BBOX1: variants seen among roughly 807,000 people sequenced by gnomAD.
BBOX1 encodes the protein gamma-butyrobetaine dioxygenase.
In BBOX1, 35 loss-of-function variants were observed where a neutral mutation model predicts 41.6. The observed-to-expected ratio is 0.84, with a 90% CI of 0.64 to 1.11. The LOEUF (loss-of-function observed/expected upper bound fraction) is 1.11, where lower values mean the gene tolerates loss of function less well. Ranked by LOEUF, BBOX1 falls within the 50% of genes most tolerant of loss-of-function variation. The probability of loss-of-function intolerance (pLI) is 0.00; values close to 1 mark genes in which losing one functional copy is unlikely to be tolerated. For synonymous variants in BBOX1, 163 were observed against 154.7 expected (o/e 1.05, Z -0.40); for missense variants, 458 against 460.6 (o/e 0.99, Z 0.05).
intron 5 of BBOX1, among the ~76,000 whole-genome samples, chr11:27,094,793 C>T (rs767264345): frequency 6.6e-6 from 1 of 151,838 alleles, no homozygotes; most frequent in African/African-American, 2.4e-5. Context: ...ACTCTGACTC[C>T]GAAACTTACA....
chr11:27,056,560 C>T (rs1249029057), intron 3 of BBOX1, among the ~76,000 whole-genome samples: 1 of 151,994 alleles, frequency 6.6e-6, no homozygotes, highest in African/African-American at 2.4e-5. Context: ...CCAGCTGCAC[C>T]ATTACTATTT....
intron 2 of BBOX1, among the ~76,000 whole-genome samples, chr11:27,053,950 A>AT (rs1856892216): frequency 1.3e-5 from 2 of 152,122 alleles, no homozygotes; most frequent in Admixed American, 1.3e-4. Flanking sequence ...ACAAAGCAAT[A>AT]TTTTTCCTAT....
At chr11:27,042,658 G>T (rs780305930) in intron 2 of BBOX1, among the ~76,000 whole-genome samples, 3 of 151,930 alleles carry the variant, frequency 2.0e-5, no homozygotes, top group Non-Finnish European at 2.9e-5. Flanking sequence ...TTGCTTTATA[G>T]AATTCATTAT....
intron 2 of BBOX1, among the ~76,000 whole-genome samples, chr11:27,045,089 CCT>C (rs1170818442): frequency 6.6e-6 from 1 of 152,102 alleles, no homozygotes; most frequent in Non-Finnish European, 1.5e-5. Flanking sequence ...TTGTTTGTGT[CCT>C]CTCTTATTTC....
Position 27,127,426 on chromosome 11 carries a change from A to G in BBOX1, c.1137A>G (p.Leu379=). ...WDVVMSRLRI[L]RQRVENGN is the part of the protein sequence containing the mutation. Reference sequence around the variant, plus strand: ...TGGTCATGTCAAGGCTTCGTATCTTAAGGCAGAGGGTGGAGAATGGAAACT... The same window carrying G: ...TGGTCATGTCAAGGCTTCGTATCTTGAGGCAGAGGGTGGAGAATGGAAACT... Residue 379 remains leucine (L), a synonymous_variant, in exon 9 of 9, where the codon TTA becomes TTG. Coordinates refer to ENST00000263182, the MANE Select transcript of BBOX1 (RefSeq NM_003986.3). 1 of 1,611,564 alleles carries G rather than the reference A, an allele frequency of 6.2e-7. No homozygotes were observed. The highest frequency in any genetic ancestry group is 8.5e-7 in the Non-Finnish European group (1 of 1,179,464).
chr11:27,111,429 C>A (rs2134086078), intron 5 of BBOX1, among the ~76,000 whole-genome samples: 1 of 152,020 alleles, frequency 6.6e-6, no homozygotes, highest in South Asian at 2.1e-4. Flanking sequence ...TCAATCTTAC[C>A]CCAAACCTCA....
At chr11:27,105,115 G>A (rs1470918370) in intron 5 of BBOX1, among the ~76,000 whole-genome samples, 1 of 152,058 alleles carries the variant, frequency 6.6e-6, no homozygotes, top group Non-Finnish European at 1.5e-5. Flanking sequence ...AAAGACCAAA[G>A]GTAGATCAAA....
At chr11:27,066,186 A>T (rs1243949412) in intron 4 of BBOX1, among the ~76,000 whole-genome samples, 1 of 152,122 alleles carries the variant, frequency 6.6e-6, no homozygotes, top group African/African-American at 2.4e-5. Flanking sequence ...TCTACAAGCT[A>T]GGCTTTTTTG....
chr11:27,119,752 C>T lies in BBOX1; in HGVS notation c.743C>T (p.Ala248Val), dbSNP rs1437341171. 6 of 1,603,862 alleles carry T rather than the reference C, an allele frequency of 3.7e-6. No homozygotes were observed. The East Asian group carries it at 6.8e-5, about 18-fold the overall frequency. The change falls in exon 7 of 9, where the codon GCA becomes GTA. Residue 248 changes from alanine (A) to valine (V), a missense_variant. Coordinates refer to ENST00000263182, the MANE Select transcript of BBOX1 (RefSeq NM_003986.3). ...AAACTAAAGAAAAATAATCCTCAGG[C>T]ATTCCAGATTTTGTCCTCTACCTTT... ...CQKLKKNNPQ[A>V]FQILSSTFVD...
intron 5 of BBOX1, among the ~76,000 whole-genome samples, chr11:27,095,121 G>A (rs1187640132): frequency 6.6e-6 from 1 of 151,946 alleles, no homozygotes; most frequent in Admixed American, 6.6e-5. Context: ...CTACCTTGCT[G>A]TCAATAATAT....
At chr11:27,046,814 C>A (rs918844497) in intron 2 of BBOX1, among the ~76,000 whole-genome samples, 2 of 152,000 alleles carry the variant, frequency 1.3e-5, no homozygotes, top group African/African-American at 4.8e-5. Flanking sequence ...TCAATTCTAA[C>A]AAGTCAAGTT....
rs564975573 is a variant in BBOX1 at position 27,078,068 on chromosome 11, A to C, written c.335-15100A>C. Among the ~76,000 whole-genome samples, 9 of 152,184 alleles carry C rather than the reference A, an allele frequency of 5.9e-5. No individual in the cohort carries two copies. The East Asian group carries it at 1.7e-3, about 29-fold the overall frequency. On this transcript the variant is annotated intron_variant, in intron 4 of 8. Coordinates refer to ENST00000263182, the MANE Select transcript of BBOX1 (RefSeq NM_003986.3). ...AGCATGTGGACTTCTTTTATTGTCC[A>C]AGTTCTGCTTGCCTCCTGCATGACT...
At chr11:27,104,270 T>C (rs1487957777) in intron 5 of BBOX1, among the ~76,000 whole-genome samples, 2 of 152,172 alleles carry the variant, frequency 1.3e-5, no homozygotes. Flanking sequence ...CTGTTAGTGA[T>C]TTGGGAATGT....
intron 4 of BBOX1, among the ~76,000 whole-genome samples, chr11:27,072,541 T>A (rs1857488621): frequency 6.6e-6 from 1 of 152,152 alleles, no homozygotes; most frequent in South Asian, 2.1e-4. Context: ...AAGCTACCAA[T>A]GACTTCGTCA....
intron 4 of BBOX1, among the ~76,000 whole-genome samples, chr11:27,064,921 C>T (rs960560365): frequency 5.4e-5 from 8 of 149,258 alleles, no homozygotes; most frequent in Non-Finnish European, 8.9e-5. Flanking sequence ...AAAAAAACAA[C>T]AAAAAAAACA....
At chr11:27,052,115 C>T (rs7117298) in intron 2 of BBOX1, among the ~76,000 whole-genome samples, 20,586 of 151,882 alleles carry the variant, frequency 0.14, 1,821 homozygotes, top group South Asian at 0.33. Flanking sequence ...AGGAGTTTTT[C>T]AGTTTTTCCC....
At chr11:27,056,344 G>A (rs1211241963) in intron 3 of BBOX1, among the ~76,000 whole-genome samples, 3 of 152,020 alleles carry the variant, frequency 2.0e-5, no homozygotes, top group Non-Finnish European at 2.9e-5. Flanking sequence ...TGCAACTTCC[G>A]CCTCCCGGGT....
intron 4 of BBOX1, among the ~76,000 whole-genome samples, chr11:27,061,099 T>A (rs1857120441): frequency 2.6e-5 from 4 of 152,228 alleles, no homozygotes; most frequent in Admixed American, 2.0e-4. Context: ...TTTACTTTCA[T>A]TTCCTTCAAG....
intron 5 of BBOX1, among the ~76,000 whole-genome samples, chr11:27,094,730 A>T (rs1484085517): frequency 6.6e-6 from 1 of 151,884 alleles, no homozygotes; most frequent in African/African-American, 2.4e-5. Context: ...ATATTCAATC[A>T]CTGAAAGACT....
Sources: gnomAD v4.1 joint callset for allele counts (sites outside exome capture counted in the v4.1 genomes callset) on GRCh38, gnomAD v4.1.1 for gene constraint, MANE v1.5 for transcripts, NCBI Gene and HGNC (gene_info 2026-07-23, HGNC 2026-07-21) for gene names.